The following MAPK10 variants were observed in gnomAD, a reference collection of about 807,000 sequenced individuals.
MAPK10 encodes the protein mitogen-activated protein kinase 10.
In MAPK10, 25 loss-of-function variants were observed where a neutral mutation model predicts 59.3. That is an observed-to-expected ratio of 0.42 (90% CI 0.31 to 0.59). The LOEUF (loss-of-function observed/expected upper bound fraction) is 0.59. Among genes scored for constraint, MAPK10 ranks in the 20% least tolerant of loss-of-function variants. The pLI, the probability that MAPK10 is intolerant of heterozygous loss-of-function variation, is 0.15. For missense variants in MAPK10, 351 were observed against 568.9 expected, an observed-to-expected ratio of 0.62 and a Z score of 3.90; for synonymous variants, 190 against 200.5, an observed-to-expected ratio of 0.95 and a Z score of 0.44.
intron 9 of MAPK10, among the ~76,000 whole-genome samples, chr4:86,092,050 A>G (rs2149052115): frequency 6.6e-6 from 1 of 152,174 alleles, no homozygotes; most frequent in East Asian, 1.9e-4. Context: ...TCTGGGAGAT[A>G]CTCCAATGTA....
chr4:86,511,826 G>C (rs1463466308), intron 1 of MAPK10, among the ~76,000 whole-genome samples: 1 of 149,270 alleles, frequency 6.7e-6, no homozygotes, highest in Non-Finnish European at 1.5e-5. Flanking sequence ...AGGAAGGAAG[G>C]AAAGAAGGAA....
chr4:86,371,678 T>C (rs1254429522), intron 1 of MAPK10, among the ~76,000 whole-genome samples: 1 of 151,906 alleles, frequency 6.6e-6, no homozygotes, highest in Non-Finnish European at 1.5e-5. Context: ...CCAACTGAGG[T>C]ACCGGGCTCA....
intron 4 of MAPK10, among the ~76,000 whole-genome samples, chr4:86,135,707 GAGA>G (rs1385874033): frequency 6.6e-6 from 1 of 151,850 alleles, no homozygotes; most frequent in Non-Finnish European, 1.5e-5. Context: ...GACGAGCTGA[GAGA>G]AGAAGGCTTC....
intron 11 of MAPK10, among the ~76,000 whole-genome samples, chr4:86,042,896 C>T (rs1198471526): frequency 6.6e-6 from 1 of 152,048 alleles, no homozygotes; most frequent in East Asian, 1.9e-4. Flanking sequence ...TTTCCAGTCA[C>T]CTTGGATGTG....
At chr4:86,191,553 C>CTT (rs35357476) in intron 3 of MAPK10, 2 of 30,412 alleles carry the variant, frequency 6.6e-5, no homozygotes, top group African/African-American at 1.1e-4. Flanking sequence ...ACAACCCGTG[C>CTT]TTTTTTTTTT....
intron 11 of MAPK10, among the ~76,000 whole-genome samples, chr4:86,056,975 A>AT (rs1390677681): frequency 1.4e-5 from 2 of 146,020 alleles, no homozygotes; most frequent in Non-Finnish European, 1.5e-5. Flanking sequence ...TATTTTATTT[A>AT]TTTTTTTTAA....
At chr4:86,485,166 C>T (rs1328821986) in intron 1 of MAPK10, among the ~76,000 whole-genome samples, 1 of 151,990 alleles carries the variant, frequency 6.6e-6, no homozygotes, top group African/African-American at 2.4e-5. Context: ...TTTCTTCTTC[C>T]CCCACTTAAC....
chr4:86,359,289 T>TCTCTCTCTCC (rs1491241812), intron 1 of MAPK10, among the ~76,000 whole-genome samples: 4 of 100,016 alleles, frequency 4.0e-5, no homozygotes, highest in African/African-American at 1.8e-4. Context: ...TCTCTCTCTC[T>TCTCTCTCTCC]GTGTGTGTGT....
At chr4:86,159,784 C>G (rs970645777) in intron 3 of MAPK10, among the ~76,000 whole-genome samples, 1 of 151,952 alleles carries the variant, frequency 6.6e-6, no homozygotes, top group African/African-American at 2.4e-5. Context: ...ACATCTATAG[C>G]TACTGAACAT....
At chr4:86,159,596 C>A in intron 3 of MAPK10, 129 bp from the exon 4 acceptor site, 2 of 683,642 alleles carry the variant, frequency 2.9e-6, no homozygotes, top group Middle Eastern at 4.0e-4. Context: ...ATGAAGTTCA[C>A]ATAGAAAAAA....
intron 1 of MAPK10, among the ~76,000 whole-genome samples, chr4:86,573,891 T>G (rs1761657906): frequency 6.6e-6 from 1 of 152,204 alleles, no homozygotes; most frequent in South Asian, 2.1e-4. Context: ...TACAAGTATA[T>G]AGAGAAATGC....
chr4:86,067,750 C>G (rs1194603536), intron 10 of MAPK10, 23 bp downstream of exon 10: 6 of 1,591,176 alleles, frequency 3.8e-6, no homozygotes, highest in East Asian at 2.2e-5. Flanking sequence ...TAGTTGTCCT[C>G]AAGTCATTCC....
rs527618626 is a variant in MAPK10, at chr4:86,531,299, C to A, written c.-263+62611G>T. The stretch of plus-strand genomic sequence containing the variant: ...TACATTACAATCATGTTTAAGGTCC[C>A]TCACGCTGAGGATACATTCACATCC... On this transcript the variant is annotated intron_variant, in intron 1 of 4. Coordinates refer to the MAPK10 transcript ENST00000502302. Among the ~76,000 whole-genome samples the A allele has an allele frequency of 3.3e-5, 5 of 152,290 alleles. No homozygotes were observed. The East Asian group carries it at 9.7e-4, about 29-fold the overall frequency.
Position 86,242,324 on chromosome 4 carries a change from C to T in MAPK10, c.-6-47917G>A, listed in dbSNP as rs113384774. ...TGACAACCCCTGTTGGAGGGTCTCA[C>T]CCAGTTGGGCGGCACGGGGAGCAGG... On this transcript the variant is annotated intron_variant, in intron 2 of 13. Transcript: ENST00000641462. Among the ~76,000 whole-genome samples the T allele has an allele frequency of 7.4e-3, 1,132 of 152,242 alleles. 14 individuals are homozygous for T. Among genetic ancestry groups the T allele is most frequent in the African/African-American group, 0.026 (1,069 of 41,538 alleles).
chr4:86,495,076 C>G (rs1197860722), intron 1 of MAPK10, among the ~76,000 whole-genome samples: 1 of 152,012 alleles, frequency 6.6e-6, no homozygotes, highest in African/African-American at 2.4e-5. Context: ...CAACAAATCA[C>G]TTCAGACAGA....
At chr4:86,478,747 G>T (rs1162451576) in intron 1 of MAPK10, among the ~76,000 whole-genome samples, 1 of 151,976 alleles carries the variant, frequency 6.6e-6, no homozygotes, top group African/African-American at 2.4e-5. Flanking sequence ...CTTCTTTCCT[G>T]TTCCTCACCC....
chr4:86,575,389 T>A (rs1020091481), intron 1 of MAPK10, among the ~76,000 whole-genome samples: 1 of 152,186 alleles, frequency 6.6e-6, no homozygotes, highest in Non-Finnish European at 1.5e-5. Flanking sequence ...AGATCCATCC[T>A]ATTGGTTCTG....
At chr4:86,472,084 ATAT>A (rs759109853) in intron 1 of MAPK10, among the ~76,000 whole-genome samples, 1 of 152,194 alleles carries the variant, frequency 6.6e-6, no homozygotes, top group Non-Finnish European at 1.5e-5. Flanking sequence ...TCAAATTCTA[ATAT>A]TATTTCAGCT....
intron 3 of MAPK10, among the ~76,000 whole-genome samples, chr4:86,178,092 T>C (rs936268673): frequency 6.6e-6 from 1 of 152,116 alleles, no homozygotes; most frequent in African/African-American, 2.4e-5. Flanking sequence ...TGCTATTTTT[T>C]TCTTATCTCC....
Sources: allele counts gnomAD v4.1 joint callset (sites outside exome capture counted in the v4.1 genomes callset), GRCh38; gene constraint gnomAD v4.1.1; transcripts MANE v1.5; gene names NCBI Gene and HGNC (gene_info 2026-07-23, HGNC 2026-07-21).